The following WDFY3 variants were observed in gnomAD, a reference collection of about 807,000 sequenced individuals.
WDFY3 encodes the protein WD repeat and FYVE domain containing 3.
Under a neutral mutation model 409.6 loss-of-function variants are expected in WDFY3, and 66 were observed. The observed-to-expected ratio is 0.16, with a 90% CI of 0.13 to 0.20. WDFY3 has a LOEUF of 0.20. Ranked by LOEUF, WDFY3 falls within the 10% of genes least tolerant of loss-of-function variation. The probability of loss-of-function intolerance (pLI) is 1.00; values close to 1 mark genes in which losing one functional copy is unlikely to be tolerated. For synonymous variants in WDFY3, 1,521 were observed against 1,537.1 expected, an observed-to-expected ratio of 0.99 and a Z score of 0.25; for missense variants, 3,031 against 4,298.1, an observed-to-expected ratio of 0.71 and a Z score of 8.24.
intron 1 of WDFY3, among the ~76,000 whole-genome samples, chr4:84,946,129 C>T (rs1772796599): frequency 6.6e-6 from 1 of 152,106 alleles, no homozygotes; most frequent in South Asian, 2.1e-4. Context: ...AAACCTCAGA[C>T]CCTTTTGGGA....
At chr4:84,901,295 T>C (rs1766308465) in intron 2 of WDFY3, among the ~76,000 whole-genome samples, 1 of 152,172 alleles carries the variant, frequency 6.6e-6, no homozygotes, top group East Asian at 1.9e-4. Context: ...GTGGGGCCTT[T>C]GACTGGTTCA....
At chr4:84,938,822 C>CT (rs990419373) in intron 1 of WDFY3, among the ~76,000 whole-genome samples, 4 of 152,246 alleles carry the variant, frequency 2.6e-5, no homozygotes, top group Admixed American at 2.6e-4. Context: ...CACACATACA[C>CT]TTTTTTTCCT....
chr4:84,849,800 T>C (rs1283902134), intron 5 of WDFY3, 102 bp downstream of exon 5: 3 of 1,482,814 alleles, frequency 2.0e-6, no homozygotes, highest in Non-Finnish European at 2.7e-6. Flanking sequence ...GAACTCAATG[T>C]GCTGAGAACA....
chr4:84,827,625 C>T (rs998497063), intron 9 of WDFY3, among the ~76,000 whole-genome samples: 3 of 152,138 alleles, frequency 2.0e-5, no homozygotes, highest in Admixed American at 2.0e-4. Context: ...TATCAGATTA[C>T]CAACATTTTT....
chr4:84,936,476 G>A (rs552515075), intron 1 of WDFY3, among the ~76,000 whole-genome samples: 24 of 152,062 alleles, frequency 1.6e-4, no homozygotes, highest in East Asian at 1.4e-3. Context: ...AGCTATGAAC[G>A]TGCCACTGCC....
At chr4:84,676,095 C>T (rs755224902) in intron 67 of WDFY3, among the ~76,000 whole-genome samples, 5 of 152,006 alleles carry the variant, frequency 3.3e-5, no homozygotes, top group Non-Finnish European at 5.9e-5. Flanking sequence ...AGTTTAAAAA[C>T]TTGTAGATGA....
At position 84,966,249 on chromosome 4, in the gene WDFY3, G is replaced by A. The variant is rs1470408015; in HGVS notation, c.-266C>T. On this transcript the variant is annotated 5_prime_UTR_variant, in exon 1 of 68. Coordinates refer to ENST00000295888, the MANE Select transcript of WDFY3 (RefSeq NM_014991.6). ...GGGCGCGGGCGGGACAGGCCCAGGA[G>A]ACGGGACCGCGGCGGGCCGGGGCTC... 6.6e-6 allele frequency: 1 copy of A among 150,958 alleles called. No individual in the cohort carries two copies. Among genetic ancestry groups the A allele is most frequent in the East Asian group, 2.0e-4 (1 of 5,104 alleles). 9.4% of individuals were successfully genotyped at this position (150,958 alleles called of 1,614,324 possible). A position where few individuals can be genotyped will look rare whatever the true frequency, so the allele number is the denominator to read the frequency against.
chr4:84,905,746 T>C (rs1293943789), intron 2 of WDFY3, among the ~76,000 whole-genome samples: 1 of 152,164 alleles, frequency 6.6e-6, no homozygotes, highest in African/African-American at 2.4e-5. Flanking sequence ...AAATTCTAGA[T>C]ATCTGATCCC....
In WDFY3 at chr4:84,672,769, G is replaced by C; in HGVS notation, c.*99C>G. On this transcript the variant is annotated 3_prime_UTR_variant, in exon 68 of 68. Transcript: ENST00000295888. ...ACACTTCAAACACGTGGTATGAAGA[G>C]ATGTGTAAACGGAGACTGTTTTCAA... is the stretch of plus-strand genomic sequence containing the variant. 1 of 1,502,494 alleles carries C rather than the reference G, an allele frequency of 6.7e-7. No homozygotes were observed. The highest frequency in any genetic ancestry group is 9.0e-7 in the Non-Finnish European group (1 of 1,109,890). 93.1% of individuals were successfully genotyped at this position (1,502,494 alleles called of 1,614,324 possible).
intron 2 of WDFY3, among the ~76,000 whole-genome samples, chr4:84,898,874 G>T (rs1765980183): frequency 6.6e-6 from 1 of 152,168 alleles, no homozygotes; most frequent in South Asian, 2.1e-4. Context: ...ACTAACCTAA[G>T]ATTTAACACC....
intron 10 of WDFY3, among the ~76,000 whole-genome samples, chr4:84,823,701 T>C (rs1183881875): frequency 1.3e-5 from 2 of 152,004 alleles, no homozygotes; most frequent in African/African-American, 2.4e-5. Context: ...ATTATAAAAA[T>C]GAAAATTAAA....
At chr4:84,959,299 G>GA (rs1043466062) in intron 1 of WDFY3, among the ~76,000 whole-genome samples, 7 of 146,786 alleles carry the variant, frequency 4.8e-5, no homozygotes, top group South Asian at 2.1e-4. Flanking sequence ...ATTTTAAGCA[G>GA]AAAAAAAAAG....
At position 84,691,704 on chromosome 4, in the gene WDFY3, G is replaced by T. The variant is rs780902900; in HGVS notation, c.9131C>A (p.Pro3044Gln). The change falls in exon 60 of 68, where the codon CCA becomes CAA. Residue 3044 changes from proline to glutamine, a missense_variant. By Grantham distance (76) the Pro-to-Gln change is moderately conservative. Coordinates refer to ENST00000295888, the MANE Select transcript of WDFY3 (RefSeq NM_014991.6). ...AVEQNKVLIP[P>Q]TWNKTFAWGY... The stretch of plus-strand genomic sequence containing the variant: ...CCAAGCAAAAGTTTTATTCCAGGTT[G>T]GTGGGATAAGAACCTTATTCTGTTC... 6.2e-7 allele frequency: 1 copy of T among 1,614,086 alleles called. No homozygotes were observed. The highest frequency in any genetic ancestry group is 8.5e-7 in the Non-Finnish European group (1 of 1,179,990).
intron 2 of WDFY3, among the ~76,000 whole-genome samples, chr4:84,919,678 G>C (rs139964769): frequency 6.6e-6 from 1 of 151,994 alleles, no homozygotes; most frequent in Non-Finnish European, 1.5e-5. Flanking sequence ...TCTTTTGCTC[G>C]GCACTTCTCT....
At chr4:84,856,641 A>C (rs1759799326) in intron 4 of WDFY3, among the ~76,000 whole-genome samples, 11 of 152,174 alleles carry the variant, frequency 7.2e-5, no homozygotes. Context: ...GCCCAGAAAA[A>C]AGACTTAATA....
intron 17 of WDFY3, among the ~76,000 whole-genome samples, chr4:84,799,893 A>G (rs1750195980): frequency 6.6e-6 from 1 of 152,204 alleles, no homozygotes; most frequent in African/African-American, 2.4e-5. Flanking sequence ...ACCATACCCA[A>G]TGGTTGATTT....
At chr4:84,781,796 A>AT (rs1394645225) in intron 25 of WDFY3, among the ~76,000 whole-genome samples, 1 of 152,192 alleles carries the variant, frequency 6.6e-6, no homozygotes. Flanking sequence ...GCTTGTAAGT[A>AT]TTTTTTGAAT....
rs1288081441 is a variant in WDFY3, at chr4:84,932,312, A to G, written c.-174T>C. On this transcript the variant is annotated 5_prime_UTR_variant, in exon 2 of 68. Coordinates refer to ENST00000295888, the MANE Select transcript of WDFY3 (RefSeq NM_014991.6). ...GCTGGCATGAACCTGCTTAGAAATG[A>G]TAAGAATGGCAGGCACTTTCTTCCT... 1 of 152,172 alleles carries G rather than the reference A, an allele frequency of 6.6e-6. No individual in the cohort carries two copies. Among genetic ancestry groups the G allele is most frequent in the African/African-American group, 2.4e-5 (1 of 41,450 alleles). 9.4% of individuals were successfully genotyped at this position (152,172 alleles called of 1,614,324 possible).
At chr4:84,826,723 T>C (rs1754920822) in intron 10 of WDFY3, 92 bp downstream of exon 10, 2 of 1,305,386 alleles carry the variant, frequency 1.5e-6, no homozygotes, top group East Asian at 2.8e-5. Flanking sequence ...TTTATATATA[T>C]AACAGAAACA....
Sources: gnomAD v4.1 joint callset for allele counts (sites outside exome capture counted in the v4.1 genomes callset) on GRCh38, gnomAD v4.1.1 for gene constraint, MANE v1.5 for transcripts, NCBI Gene and HGNC (gene_info 2026-07-23, HGNC 2026-07-21) for gene names.